CSMD1: variants seen among roughly 807,000 people sequenced by gnomAD.
CSMD1 encodes CUB and sushi domain-containing protein 1.
A neutral mutation model predicts 417.5 loss-of-function variants in CSMD1; 213 were observed. That is an observed-to-expected ratio of 0.51 (90% confidence interval 0.46 to 0.57). CSMD1 has a LOEUF of 0.57. Among genes scored for constraint, CSMD1 ranks in the 20% least tolerant of loss-of-function variants. The pLI is 0.00. For synonymous variants in CSMD1, 2,862 were observed against 1,736.8 expected (o/e 1.65, Z -16.11); for missense variants, 6,923 against 4,529.7 (o/e 1.53, Z -15.17).
rs80251880 is a variant in CSMD1, at chr8:4,313,556, G to A, written c.415+106397C>T. 7.3e-4 allele frequency among the ~76,000 whole-genome samples: 111 copies of A among 151,376 alleles called. 1 individual carries two copies. In the East Asian group the frequency reaches 0.02, roughly 27 times the overall value. On this transcript the variant is annotated intron_variant, in intron 3 of 69. Transcript: ENST00000635120. Reference sequence around the variant, plus strand: ...TAGGTCACATCAGGAGGAAATACGTGTTATGGGAGGGAAAGAAGAATGTTG... The same window carrying A: ...TAGGTCACATCAGGAGGAAATACGTATTATGGGAGGGAAAGAAGAATGTTG...
At chr8:3,140,627 G>T (rs955001218) in intron 41 of CSMD1, among the ~76,000 whole-genome samples, 1 of 151,566 alleles carries the variant, frequency 6.6e-6, no homozygotes, top group Non-Finnish European at 1.5e-5. Flanking sequence ...TAATGCCAAA[G>T]AGTTCATCAT....
chr8:4,417,173 T>C (rs986547430), intron 3 of CSMD1, among the ~76,000 whole-genome samples: 1 of 152,068 alleles, frequency 6.6e-6, no homozygotes. Flanking sequence ...TCAAATACTG[T>C]AAATAATCAA....
At chr8:4,871,730 G>C (rs147607577) in intron 1 of CSMD1, among the ~76,000 whole-genome samples, 2 of 152,176 alleles carry the variant, frequency 1.3e-5, no homozygotes, top group African/African-American at 2.4e-5. Flanking sequence ...CATAATTTCA[G>C]AGTTCATATT....
At chr8:3,319,678 G>C (rs560035404) in intron 23 of CSMD1, among the ~76,000 whole-genome samples, 1 of 148,340 alleles carries the variant, frequency 6.7e-6, no homozygotes, top group African/African-American at 2.5e-5. Context: ...CAGATTATTT[G>C]TTTTTTTTTG....
intron 3 of CSMD1, among the ~76,000 whole-genome samples, chr8:4,117,454 G>A (rs979842732): frequency 1.8e-4 from 28 of 152,004 alleles, no homozygotes; most frequent in African/African-American, 6.5e-4. Flanking sequence ...CAATTTCAGG[G>A]TTATGATCGT....
At chr8:3,453,807 T>G (rs192071615) in intron 12 of CSMD1, among the ~76,000 whole-genome samples, 1 of 152,186 alleles carries the variant, frequency 6.6e-6, no homozygotes, top group African/African-American at 2.4e-5. Flanking sequence ...GGGGGGATAG[T>G]TCTGTAGATG....
chr8:4,252,323 T>A (rs1016243746), intron 3 of CSMD1, among the ~76,000 whole-genome samples: 3 of 152,210 alleles, frequency 2.0e-5, no homozygotes, highest in African/African-American at 7.2e-5. Flanking sequence ...AACACATATC[T>A]CTACAATGAA....
intron 2 of CSMD1, among the ~76,000 whole-genome samples, chr8:4,428,530 A>G (rs1428040691): frequency 6.6e-6 from 1 of 152,192 alleles, no homozygotes; most frequent in African/African-American, 2.4e-5. Context: ...AGGTATACAC[A>G]CAGAAGTATG....
chr8:4,267,935 A>C (rs1804323142), intron 3 of CSMD1, among the ~76,000 whole-genome samples: 1 of 152,124 alleles, frequency 6.6e-6, no homozygotes, highest in Admixed American at 6.6e-5. Flanking sequence ...TTCATGCCTC[A>C]TATATATTCA....
intron 5 of CSMD1, among the ~76,000 whole-genome samples, chr8:3,767,340 G>A (rs183950835): frequency 2.6e-5 from 4 of 152,318 alleles, no homozygotes; most frequent in East Asian, 1.9e-4. Context: ...ATACTGACCT[G>A]GGTCCAAACA....
Position 3,224,756 on chromosome 8 carries a change from C to A in CSMD1, c.4346-889G>T, listed in dbSNP as rs114751182. ...TATGTAGCTCAATGTGGTTAATAGG[C>A]AAGCCAGTTTTTGTTCTTGAATTGG... On this transcript the variant is annotated intron_variant, in intron 27 of 69. Transcript: ENST00000635120. Among the ~76,000 whole-genome samples, 194 of 152,286 alleles carry A rather than the reference C, an allele frequency of 1.3e-3. 2 individuals carry two copies. The highest frequency in any genetic ancestry group is 4.5e-3 in the African/African-American group (186 of 41,564).
intron 3 of CSMD1, among the ~76,000 whole-genome samples, chr8:4,378,525 C>G (rs569148726): frequency 6.6e-6 from 1 of 152,210 alleles, no homozygotes; most frequent in African/African-American, 2.4e-5. Flanking sequence ...TTCATATTCG[C>G]TGAAGTCACC....
intron 26 of CSMD1, among the ~76,000 whole-genome samples, chr8:3,242,345 C>T (rs530551011): frequency 9.0e-4 from 135 of 150,472 alleles, no homozygotes; most frequent in African/African-American, 3.1e-3. Context: ...AAAGACTCAG[C>T]GACGCTTGGG....
At chr8:3,660,732 G>A (rs181098878) in intron 7 of CSMD1, among the ~76,000 whole-genome samples, 18 of 151,948 alleles carry the variant, frequency 1.2e-4, no homozygotes, top group African/African-American at 2.7e-4. Context: ...TGTTGGTCAG[G>A]GTGATGTCAA....
At chr8:3,974,628 T>A (rs1288646903) in intron 5 of CSMD1, among the ~76,000 whole-genome samples, 1 of 152,020 alleles carries the variant, frequency 6.6e-6, no homozygotes, top group Non-Finnish European at 1.5e-5. Flanking sequence ...TCAGTAATTA[T>A]TAGATGAAAG....
chr8:4,889,513 T>G (rs992748309), intron 1 of CSMD1, among the ~76,000 whole-genome samples: 4 of 152,108 alleles, frequency 2.6e-5, no homozygotes, highest in African/African-American at 7.2e-5. Flanking sequence ...GATATGTTTA[T>G]CATTACAGGA....
At chr8:4,643,687 A>T (rs998969456) in intron 1 of CSMD1, among the ~76,000 whole-genome samples, 1 of 152,232 alleles carries the variant, frequency 6.6e-6, no homozygotes, top group Non-Finnish European at 1.5e-5. Flanking sequence ...CCCTGATCAG[A>T]TAAGCGCTGT....
At chr8:3,064,744 T>C (rs1278289072) in intron 49 of CSMD1, among the ~76,000 whole-genome samples, 1 of 152,188 alleles carries the variant, frequency 6.6e-6, no homozygotes, top group Non-Finnish European at 1.5e-5. Flanking sequence ...TTGCAAGAAA[T>C]GCTTTATGGG....
intron 12 of CSMD1, among the ~76,000 whole-genome samples, chr8:3,465,469 G>C (rs762340902): frequency 1.3e-5 from 2 of 152,142 alleles, no homozygotes; most frequent in East Asian, 1.9e-4. Flanking sequence ...CACGTGTCCT[G>C]AGGCAGCCCC....
Sources: allele counts gnomAD v4.1 joint callset (sites outside exome capture counted in the v4.1 genomes callset), GRCh38; gene constraint gnomAD v4.1.1; transcripts MANE v1.5; gene names NCBI Gene and HGNC (gene_info 2026-07-23, HGNC 2026-07-21).